GMDS: variants seen among roughly 807,000 people sequenced by gnomAD.
The protein encoded by GMDS is GDP-mannose 4,6 dehydratase.
A neutral mutation model predicts 49.9 loss-of-function variants in GMDS; 20 were observed. The ratio of observed to expected loss-of-function variants is 0.40; its 90% confidence interval spans 0.28 to 0.58. GMDS has a LOEUF of 0.58. Ranked by LOEUF, GMDS falls within the 20% of genes least tolerant of loss-of-function variation. The pLI, the probability that GMDS is intolerant of heterozygous loss-of-function variation, is 0.42. For synonymous variants in GMDS, 177 were observed against 178.6 expected, an observed-to-expected ratio of 0.99 and a Z score of 0.07; for missense variants, 362 against 481.4, an observed-to-expected ratio of 0.75 and a Z score of 2.32.
chr6:2,169,111 T>C (rs947204476), intron 1 of GMDS, among the ~76,000 whole-genome samples: 3 of 152,220 alleles, frequency 2.0e-5, no homozygotes, highest in Non-Finnish European at 4.4e-5. Context: ...TTCTCCCACA[T>C]TCTTAGTATC....
At chr6:2,164,567 T>A (rs951143111) in intron 1 of GMDS, among the ~76,000 whole-genome samples, 1 of 152,174 alleles carries the variant, frequency 6.6e-6, no homozygotes, top group Non-Finnish European at 1.5e-5. Flanking sequence ...AGAGGACTCA[T>A]CAGAATTTAG....
At chr6:1,923,474 C>G (rs974457515) in intron 7 of GMDS, among the ~76,000 whole-genome samples, 1 of 152,240 alleles carries the variant, frequency 6.6e-6, no homozygotes, top group African/African-American at 2.4e-5. Flanking sequence ...CTGTGTACCA[C>G]AGCAACACTC....
chr6:1,707,143 T>A (rs1390110899), intron 9 of GMDS, among the ~76,000 whole-genome samples: 4 of 152,236 alleles, frequency 2.6e-5, no homozygotes, highest in African/African-American at 4.8e-5. Flanking sequence ...AAATGTTGCT[T>A]ACCCAAAATT....
chr6:1,879,170 G>C (rs1432184528), intron 7 of GMDS, among the ~76,000 whole-genome samples: 1 of 152,136 alleles, frequency 6.6e-6, no homozygotes, highest in Non-Finnish European at 1.5e-5. Flanking sequence ...GGAAAATAAA[G>C]TAATTATCTG....
intron 4 of GMDS, among the ~76,000 whole-genome samples, chr6:2,113,709 C>T (rs1774684645): frequency 6.6e-6 from 1 of 152,108 alleles, no homozygotes; most frequent in Non-Finnish European, 1.5e-5. Context: ...AAGAGTCAGA[C>T]ACTTGTGCCA....
intron 4 of GMDS, among the ~76,000 whole-genome samples, chr6:2,010,329 A>G (rs1217699474): frequency 6.7e-6 from 1 of 150,182 alleles, no homozygotes; most frequent in African/African-American, 2.4e-5. Context: ...TCCATCTCAA[A>G]AAAAAAAAAA....
chr6:2,018,751 G>A (rs1412855110), intron 4 of GMDS, among the ~76,000 whole-genome samples: 1 of 152,112 alleles, frequency 6.6e-6, no homozygotes, highest in Non-Finnish European at 1.5e-5. Context: ...GAACATTTGT[G>A]TTGTTTTCAT....
At position 1,682,812 on chromosome 6, in the gene GMDS, G is replaced by A. The variant is rs1386578445; in HGVS notation, c.987+43604C>T. On this transcript the variant is annotated intron_variant, in intron 9 of 10. Coordinates refer to ENST00000380815, the MANE Select transcript of GMDS (RefSeq NM_001500.4). The stretch of plus-strand genomic sequence containing the variant: ...TCTCGATCTCCTGACCTCGTGATCC[G>A]CCCGCCTCGGCCTCCCAAAGTGCTG... 3.8e-5 allele frequency among the ~76,000 whole-genome samples: 5 copies of A among 133,278 alleles called. 2 individuals are homozygous for A. The highest frequency in any genetic ancestry group is 8.5e-5 in the African/African-American group (3 of 35,344). 87.4% of individuals were successfully genotyped at this position (133,278 alleles called of 152,430 possible).
Position 2,067,742 on chromosome 6 carries a change from A to G in GMDS, c.345+48029T>C, listed in dbSNP as rs1252424070. On this transcript the variant is annotated intron_variant, in intron 4 of 10. Transcript: ENST00000380815. ...AGAAGTTGAATCTCTGAATAGACCAATAACAGGATCCGAAATTGTGGCAAT... is the reference window on the plus strand; with the variant it reads ...AGAAGTTGAATCTCTGAATAGACCAGTAACAGGATCCGAAATTGTGGCAAT... Among the ~76,000 whole-genome samples the G allele has an allele frequency of 2.6e-5, 4 of 152,196 alleles. No homozygotes were observed. The East Asian group carries it at 7.8e-4, about 30-fold the overall frequency.
intron 4 of GMDS, among the ~76,000 whole-genome samples, chr6:2,045,594 G>A (rs911556274): frequency 6.6e-6 from 1 of 151,856 alleles, no homozygotes; most frequent in Non-Finnish European, 1.5e-5. Context: ...CACCATAATT[G>A]GTTTTGGGGG....
At chr6:2,076,491 C>T (rs1362661111) in intron 4 of GMDS, among the ~76,000 whole-genome samples, 5 of 152,176 alleles carry the variant, frequency 3.3e-5, no homozygotes, top group East Asian at 1.9e-4. Context: ...GGAGGCATCA[C>T]GCTACCTGAC....
At chr6:1,943,781 C>T (rs1762928476) in intron 6 of GMDS, among the ~76,000 whole-genome samples, 1 of 152,214 alleles carries the variant, frequency 6.6e-6, no homozygotes, top group African/African-American at 2.4e-5. Context: ...GGGTTCTTCT[C>T]TGCCTTCATG....
chr6:2,120,654 T>C (rs1208203536), intron 2 of GMDS, among the ~76,000 whole-genome samples: 1 of 152,208 alleles, frequency 6.6e-6, no homozygotes, highest in Non-Finnish European at 1.5e-5. Flanking sequence ...CTGGTTTTCC[T>C]CTGTACTTAG....
chr6:1,657,701 G>A (rs1410097278), intron 9 of GMDS, among the ~76,000 whole-genome samples: 4 of 152,030 alleles, frequency 2.6e-5, no homozygotes, highest in South Asian at 4.1e-4. Flanking sequence ...GCCTCAAAAC[G>A]TTTCCATCAG....
intron 7 of GMDS, among the ~76,000 whole-genome samples, chr6:1,918,162 G>T (rs1761501983): frequency 6.6e-6 from 1 of 152,136 alleles, no homozygotes; most frequent in African/African-American, 2.4e-5. Context: ...GAAGAGAAGG[G>T]ATGGGAGAGT....
At chr6:2,054,977 A>G (rs868027917) in intron 4 of GMDS, among the ~76,000 whole-genome samples, 272 of 152,228 alleles carry the variant, frequency 1.8e-3, no homozygotes, top group African/African-American at 5.7e-3. Flanking sequence ...TGATGAATGA[A>G]AGGAATATCA....
chr6:1,913,866 T>C (rs987308132), intron 7 of GMDS, among the ~76,000 whole-genome samples: 1 of 152,122 alleles, frequency 6.6e-6, no homozygotes, highest in African/African-American at 2.4e-5. Flanking sequence ...GCAGATATGG[T>C]AAAGCGGAAA....
chr6:1,999,982 T>TA (rs1561961757), intron 4 of GMDS, among the ~76,000 whole-genome samples: 2 of 11,346 alleles, frequency 1.8e-4, no homozygotes, highest in Non-Finnish European at 3.4e-4. Flanking sequence ...ATATATATAT[T>TA]TTATATATAT....
At chr6:2,003,905 G>C (rs188829488) in intron 4 of GMDS, among the ~76,000 whole-genome samples, 3 of 152,132 alleles carry the variant, frequency 2.0e-5, no homozygotes, top group African/African-American at 7.2e-5. Context: ...TAAATTTCTG[G>C]TAAAGATCCA....
Sources: gnomAD v4.1 joint callset for allele counts (sites outside exome capture counted in the v4.1 genomes callset) on GRCh38, gnomAD v4.1.1 for gene constraint, MANE v1.5 for transcripts, NCBI Gene and HGNC (gene_info 2026-07-23, HGNC 2026-07-21) for gene names.